CCZ1B: variants seen among roughly 807,000 people sequenced by gnomAD.
The protein encoded by CCZ1B is CCZ1B vacuolar protein trafficking and biogenesis associated.
A neutral mutation model predicts 58.8 loss-of-function variants in CCZ1B; 25 were observed. The ratio of observed to expected loss-of-function variants is 0.43; its 90% confidence interval spans 0.31 to 0.59. The LOEUF (loss-of-function observed/expected upper bound fraction) is 0.59. Ranked by LOEUF, CCZ1B falls within the 20% of genes least tolerant of loss-of-function variation. The pLI, the probability that CCZ1B is intolerant of heterozygous loss-of-function variation, is 0.12. For synonymous variants in CCZ1B, 66 were observed against 173.2 expected (o/e 0.38, Z 4.86); for missense variants, 180 against 501.5 (o/e 0.36, Z 6.12).
At chr7:6,823,165 C>T (rs1783138271) in intron 5 of CCZ1B, 148 bp downstream of exon 5, 13 of 699,354 alleles carry the variant, frequency 1.9e-5, no homozygotes, top group Non-Finnish European at 1.2e-5. Flanking sequence ...AACCTCACTA[C>T]CTGTTTCAAA....
At chr7:6,822,129 G>A (rs1302092130) in intron 6 of CCZ1B, 152 bp downstream of exon 6, 7 of 1,143,800 alleles carry the variant, frequency 6.1e-6, no homozygotes, top group Admixed American at 3.1e-5. Context: ...GCGTTTCCTC[G>A]CTGCTCCAGT....
intron 5 of CCZ1B, among the ~76,000 whole-genome samples, chr7:6,822,706 CTT>C (rs58112556): frequency 6.7e-5 from 8 of 120,272 alleles, no homozygotes; most frequent in Non-Finnish European, 6.8e-5. Context: ...ACTTTTTATC[CTT>C]TTTTTTTTTT....
intron 7 of CCZ1B, among the ~76,000 whole-genome samples, 153 bp downstream of exon 7, chr7:6,819,613 A>G (rs1264185598): frequency 1.4e-5 from 2 of 147,026 alleles, no homozygotes; most frequent in African/African-American, 5.2e-5. Flanking sequence ...GCTTTAAATA[A>G]TCACTGCTTT....
chr7:6,804,176 G>T (rs1782803122), intron 12 of CCZ1B, among the ~76,000 whole-genome samples: 1 of 146,800 alleles, frequency 6.8e-6, no homozygotes, highest in African/African-American at 2.5e-5. Flanking sequence ...TGTAATCCCA[G>T]CACTTTGGGA....
At chr7:6,813,876 T>G (rs1164661645) in intron 8 of CCZ1B, among the ~76,000 whole-genome samples, 2 of 149,494 alleles carry the variant, frequency 1.3e-5, no homozygotes, top group South Asian at 4.2e-4. Context: ...CCAGGAGCAG[T>G]AGCTCACGCC....
chr7:6,800,271 CCTT>C (rs1428705648), intron 14 of CCZ1B, among the ~76,000 whole-genome samples: 1 of 140,350 alleles, frequency 7.1e-6, no homozygotes, highest in African/African-American at 2.7e-5. Flanking sequence ...ATGTCTGCCT[CCTT>C]CTGCCTGTGT....
At chr7:6,818,834 C>G (rs1489719460) in intron 7 of CCZ1B, among the ~76,000 whole-genome samples, 1 of 148,858 alleles carries the variant, frequency 6.7e-6, no homozygotes, top group Non-Finnish European at 1.5e-5. Context: ...CAAATGTGCA[C>G]AACCTCGGTT....
intron 7 of CCZ1B, among the ~76,000 whole-genome samples, chr7:6,818,699 A>AC (rs1562431496): frequency 3.0e-5 from 4 of 135,552 alleles, no homozygotes; most frequent in African/African-American, 1.1e-4. Context: ...GAAAGACAAG[A>AC]AAGAAAGAAA....
At chr7:6,818,369 T>C (rs1439798243) in intron 7 of CCZ1B, among the ~76,000 whole-genome samples, 1 of 149,296 alleles carries the variant, frequency 6.7e-6, no homozygotes, top group Non-Finnish European at 1.5e-5. Flanking sequence ...GCCAACATGG[T>C]AAAACCCTGT....
chr7:6,810,366 T>A (rs1378606081), intron 10 of CCZ1B, among the ~76,000 whole-genome samples: 1 of 143,342 alleles, frequency 7.0e-6, no homozygotes, highest in Non-Finnish European at 1.5e-5. Flanking sequence ...GGCAAAGAAC[T>A]CTATGCTCAA....
intron 14 of CCZ1B, 143 bp from the exon 15 acceptor site, chr7:6,799,422 ATTTTTTTTT>A: frequency 3.5e-6 from 1 of 285,778 alleles, no homozygotes; most frequent in Non-Finnish European, 5.3e-6. Flanking sequence ...CTAGGCAAGA[ATTTTTTTTT>A]TTTTTTTTTT....
At chr7:6,819,119 A>G (rs1334564627) in intron 7 of CCZ1B, among the ~76,000 whole-genome samples, 10 of 124,042 alleles carry the variant, frequency 8.1e-5, no homozygotes, top group African/African-American at 2.8e-4. Flanking sequence ...CCCCATCTCT[A>G]TAAGAAAAAA....
chr7:6,812,801 C>T (rs1782938979), intron 9 of CCZ1B, among the ~76,000 whole-genome samples, 175 bp downstream of exon 9: 1 of 148,938 alleles, frequency 6.7e-6, no homozygotes, highest in Non-Finnish European at 1.5e-5. Flanking sequence ...TGGCTCATGC[C>T]TGTAGTTCCA....
At chr7:6,824,407 A>G (rs1167666081) in intron 3 of CCZ1B, 48 bp downstream of exon 3, 7 of 1,596,016 alleles carry the variant, frequency 4.4e-6, no homozygotes, top group Middle Eastern at 2.3e-4. Flanking sequence ...AAGATCACCC[A>G]TAACTTCACC....
intron 10 of CCZ1B, 126 bp downstream of exon 10, chr7:6,811,826 C>G: frequency 1.6e-6 from 1 of 642,568 alleles, no homozygotes; most frequent in Non-Finnish European, 2.7e-6. Flanking sequence ...TGAGTTTTAC[C>G]ATAATCAGAA....
chr7:6,821,051 C>T (rs1783101962), intron 6 of CCZ1B, among the ~76,000 whole-genome samples: 1 of 148,760 alleles, frequency 6.7e-6, no homozygotes, highest in Non-Finnish European at 1.5e-5. Context: ...GTCTGTCACC[C>T]AGGCTGGAGT....
At chr7:6,814,287 A>T (rs1782963160) in intron 8 of CCZ1B, among the ~76,000 whole-genome samples, 1 of 149,600 alleles carries the variant, frequency 6.7e-6, no homozygotes, top group African/African-American at 2.5e-5. Flanking sequence ...CTGTAATCCT[A>T]GCACTTTGGG....
chr7:6,813,110 T>A, intron 8 of CCZ1B, 73 bp from the exon 9 acceptor site: 1 of 1,005,338 alleles, frequency 9.9e-7, no homozygotes, highest in South Asian at 1.6e-5. Flanking sequence ...AAAAACAGCA[T>A]TATCTACTAA....
chr7:6,825,530 G>A (rs1402972250), intron 1 of CCZ1B, among the ~76,000 whole-genome samples: 2 of 128,964 alleles, frequency 1.6e-5, no homozygotes, highest in African/African-American at 3.2e-5. Context: ...GATTACAGGC[G>A]TGAGTCACAG....
Sources: gnomAD v4.1 joint callset for allele counts (sites outside exome capture counted in the v4.1 genomes callset) on GRCh38, gnomAD v4.1.1 for gene constraint, MANE v1.5 for transcripts, NCBI Gene and HGNC (gene_info 2026-07-23, HGNC 2026-07-21) for gene names.